Variants in CNTRL observed in about 807,000 individuals in gnomAD.
CNTRL encodes the protein centriolin, also known as 110 kDa centrosomal protein.
In CNTRL, 233 loss-of-function variants were observed where a neutral mutation model predicts 303.7. That is an observed-to-expected ratio of 0.77 (90% confidence interval 0.69 to 0.86). CNTRL has a LOEUF of 0.86. Ranked by LOEUF, CNTRL falls within the 40% of genes least tolerant of loss-of-function variation. CNTRL has a pLI of 0.00. For synonymous variants in CNTRL, 900 were observed against 922.2 expected, an observed-to-expected ratio of 0.98 and a Z score of 0.44; for missense variants, 2,524 against 2,650.6, an observed-to-expected ratio of 0.95 and a Z score of 1.05.
chr9:121,138,710 T>TA, intron 16 of CNTRL, 31 bp downstream of exon 16: 1 of 1,606,054 alleles, frequency 6.2e-7, no homozygotes. Context: ...AATACATTCT[T>TA]ACACAGAACA....
In CNTRL at chr9:121,169,757, G is replaced by C. The variant is rs199819276; in HGVS notation, c.6217G>C (p.Val2073Leu). The C allele has an allele frequency of 3.1e-6, 5 of 1,614,232 alleles. No homozygotes were observed. The East Asian group carries it at 8.9e-5, about 29-fold the overall frequency. Residue 2073 changes from valine to leucine, a missense_variant, in exon 39 of 44, where the codon GTG (valine) becomes CTG (leucine). Physicochemically the swap from Val to Leu is conservative, Grantham distance 32. Transcript: ENST00000373855. ...LTERKKAEKQ[V>L]ASLKEALKIQ... ...AGAAAGAAAGAAAGCTGAGAAGCAGGTGGCCAGCCTGAAGGAAGCACTTAA... is the reference window on the plus strand; with the variant it reads ...AGAAAGAAAGAAAGCTGAGAAGCAGCTGGCCAGCCTGAAGGAAGCACTTAA...
Position 121,168,113 on chromosome 9 carries a change from GA to G in CNTRL, c.5865del (p.Glu1956ArgfsTer9), listed in dbSNP as rs1029552069. On this transcript the variant is annotated frameshift_variant, in exon 38 of 44. Transcript: ENST00000373855. LOFTEE classifies it high-confidence loss of function. ...TTATTAAGATGTTTCAGAGACTCCA[GA>G]AAGAGAGAGAAAGTGAAGAAAGCAA... ...QQEMMFQRLQ[K>X]ERESEESKLE... is the part of the protein sequence containing the mutation. 2.5e-6 allele frequency: 4 copies of G among 1,612,472 alleles called. No individual in the cohort carries two copies. The African/African-American group carries it at 5.3e-5, about 22-fold the overall frequency.
rs118053808 is a variant in CNTRL at position 121,079,301 on chromosome 9, C to T, written c.-204-1005C>T. On this transcript the variant is annotated intron_variant, in intron 1 of 43. Coordinates refer to ENST00000373855, the MANE Select transcript of CNTRL (RefSeq NM_007018.6). ...AGTTATGTAACTTGGGGGAGTTTTTCTGATCCATATGTATAGTTTAATATG... is the reference window on the plus strand; with the variant it reads ...AGTTATGTAACTTGGGGGAGTTTTTTTGATCCATATGTATAGTTTAATATG... Among the ~76,000 whole-genome samples, 526 of 152,170 alleles carry T rather than the reference C, an allele frequency of 3.5e-3. 2 individuals carry two copies. The highest frequency in any genetic ancestry group is 0.014 in the Middle Eastern group (4 of 294).
At chr9:121,155,944 C>T (rs1307234000) in intron 27 of CNTRL, among the ~76,000 whole-genome samples, 1 of 152,098 alleles carries the variant, frequency 6.6e-6, no homozygotes, top group African/African-American at 2.4e-5. Flanking sequence ...AAATTAAAAG[C>T]AGTCTATTAC....
rs575159681 is a variant in CNTRL, at chr9:121,127,795, TC to T, written c.2025+1865del. Among the ~76,000 whole-genome samples the T allele has an allele frequency of 1.6e-3, 97 of 59,604 alleles. 1 individual carries two copies. Among genetic ancestry groups the T allele is most frequent in the African/African-American group, 4.3e-3 (64 of 14,852 alleles). The allele number at this position is 59,604 out of a possible 152,430, so 39.1% of individuals were successfully genotyped here. ...ATCTCCTAATGCTATCCCTCCCCCC[TC>T]CCCCCACCCCACGACAGGCCCCGGT... On this transcript the variant is annotated intron_variant, in intron 14 of 43. Coordinates refer to ENST00000373855, the MANE Select transcript of CNTRL (RefSeq NM_007018.6).
intron 11 of CNTRL, 102 bp downstream of exon 11, chr9:121,115,302 A>T: frequency 1.8e-6 from 1 of 565,708 alleles, no homozygotes; most frequent in Non-Finnish European, 3.0e-6. Flanking sequence ...TTAGCTGCCT[A>T]GTTAATTATG....
intron 19 of CNTRL, among the ~76,000 whole-genome samples, chr9:121,142,889 A>G (rs539585670): frequency 6.6e-6 from 1 of 151,952 alleles, no homozygotes; most frequent in East Asian, 1.9e-4. Flanking sequence ...GTCCAACTTA[A>G]ATTTTGTGGT....
intron 27 of CNTRL, among the ~76,000 whole-genome samples, chr9:121,156,331 C>T (rs568285877): frequency 6.6e-6 from 1 of 152,114 alleles, no homozygotes; most frequent in East Asian, 1.9e-4. Context: ...AGGGAGGCAG[C>T]TTGGTAAGAA....
chr9:121,160,019 C>A, intron 31 of CNTRL, 124 bp from the exon 32 acceptor site: 1 of 665,142 alleles, frequency 1.5e-6, no homozygotes, highest in Non-Finnish European at 2.3e-6. Flanking sequence ...ACATAAAAGG[C>A]AAAAATGAGC....
Position 121,164,066 on chromosome 9 carries a change from A to G in CNTRL, c.5424-877A>G, listed in dbSNP as rs1254064531. ...TTTTTAGTAGAGACGGGGTTTCACC[A>G]TGTTAGCCAGGATGGTCTCCATCCC... On this transcript the variant is annotated intron_variant, in intron 34 of 43. Transcript: ENST00000373855. Among the ~76,000 whole-genome samples the G allele has an allele frequency of 2.0e-5, 3 of 152,174 alleles. No individual in the cohort carries two copies. The East Asian group carries it at 5.8e-4, about 29-fold the overall frequency.
In CNTRL at chr9:121,169,600, G is replaced by T; in HGVS notation, c.6071-11G>T. The T allele has an allele frequency of 6.2e-7, 1 of 1,613,848 alleles. No homozygotes were observed. The highest frequency in any genetic ancestry group is 1.1e-5 in the South Asian group (1 of 91,070). ...GTCTTTGGCTAAACCTACTGAAAAT[G>T]CTCATTTCAGAACGGCAGCTTTCAG... is the stretch of plus-strand genomic sequence containing the variant. On this transcript the variant is annotated splice_polypyrimidine_tract_variant and intron_variant, in intron 38 of 43. Transcript: ENST00000373855.
In CNTRL at chr9:121,157,744, C is replaced by G; in HGVS notation, c.4501C>G (p.Leu1501Val). The change falls in exon 29 of 44, where the codon CTC becomes GTC. Residue 1501 changes from leucine (L) to valine (V), a missense_variant. By Grantham distance (32) the Leu-to-Val change is conservative. Coordinates refer to ENST00000373855, the MANE Select transcript of CNTRL (RefSeq NM_007018.6). ...LVKADQQLRSLQADAKDLEQH... is the reference protein window; with the variant it reads ...LVKADQQLRSVQADAKDLEQH... ...GAATAAAGCAATGTGCTTTAGATCG[C>G]TCCAGGCTGATGCAAAGGATTTGGA... 1 of 1,614,090 alleles carries G rather than the reference C, an allele frequency of 6.2e-7. No individual in the cohort carries two copies. The highest frequency in any genetic ancestry group is 1.1e-5 in the South Asian group (1 of 91,070).
intron 27 of CNTRL, among the ~76,000 whole-genome samples, chr9:121,156,133 A>G (rs746138445): frequency 1.6e-4 from 25 of 151,920 alleles, no homozygotes; most frequent in Non-Finnish European, 3.4e-4. Flanking sequence ...AGATATTTTG[A>G]TAATATATCA....
intron 11 of CNTRL, 49 bp from the exon 12 acceptor site, chr9:121,118,297 C>A: frequency 2.3e-6 from 3 of 1,296,730 alleles, no homozygotes; most frequent in South Asian, 2.2e-5. Flanking sequence ...CTTAATAAAT[C>A]AGTGTTGTTC....
chr9:121,165,236 C>A, intron 35 of CNTRL, 136 bp downstream of exon 35: 1 of 821,134 alleles, frequency 1.2e-6, no homozygotes, highest in Non-Finnish European at 1.8e-6. Context: ...AATGTTTGCA[C>A]AACTTGGAAT....
intron 7 of CNTRL, among the ~76,000 whole-genome samples, chr9:121,102,929 C>G (rs1174337346): frequency 2.0e-5 from 3 of 152,164 alleles, no homozygotes; most frequent in East Asian, 1.9e-4. Flanking sequence ...ACATTCCATG[C>G]TCGTGGATAG....
At chr9:121,114,979 GT>G in intron 10 of CNTRL, 111 bp from the exon 11 acceptor site, 1 of 614,232 alleles carries the variant, frequency 1.6e-6, no homozygotes, top group Non-Finnish European at 2.8e-6. Flanking sequence ...TATAATGACA[GT>G]TTAATAGAGC....
At chr9:121,125,514 T>G (rs147006507) in intron 13 of CNTRL, among the ~76,000 whole-genome samples, 1 of 152,136 alleles carries the variant, frequency 6.6e-6, no homozygotes, top group South Asian at 2.1e-4. Flanking sequence ...GCCCCCTAAA[T>G]GTACTATTTT....
intron 1 of CNTRL, among the ~76,000 whole-genome samples, chr9:121,075,461 G>A (rs553622308): frequency 6.6e-6 from 1 of 152,246 alleles, no homozygotes; most frequent in African/African-American, 2.4e-5. Context: ...TGGGCGTCCT[G>A]ACGGGTTGTC....
Sources: gnomAD v4.1 joint callset for allele counts (sites outside exome capture counted in the v4.1 genomes callset) on GRCh38, gnomAD v4.1.1 for gene constraint, MANE v1.5 for transcripts, NCBI Gene and HGNC (gene_info 2026-07-23, HGNC 2026-07-21) for gene names.